Variants in WWP1 observed in about 807,000 individuals in gnomAD.
WWP1 encodes NEDD4-like E3 ubiquitin-protein ligase WWP1.
In WWP1, 49 loss-of-function variants were observed where a neutral mutation model predicts 130.6. The observed-to-expected ratio is 0.38, with a 90% CI of 0.30 to 0.48. WWP1 has a LOEUF of 0.48. Ranked by LOEUF, WWP1 falls within the 20% of genes least tolerant of loss-of-function variation. The probability of loss-of-function intolerance (pLI) is 0.99; values close to 1 mark genes in which losing one functional copy is unlikely to be tolerated. For missense variants in WWP1, 809 were observed against 1,100.6 expected, an observed-to-expected ratio of 0.74 and a Z score of 3.75; for synonymous variants, 332 against 367.8, an observed-to-expected ratio of 0.90 and a Z score of 1.11.
chr8:86,392,745 A>G (rs563706270), intron 5 of WWP1, among the ~76,000 whole-genome samples: 1 of 149,904 alleles, frequency 6.7e-6, no homozygotes, highest in East Asian at 2.0e-4. Context: ...ATTTTGTTTT[A>G]TAAATTCACT....
At chr8:86,445,731 C>T (rs1321976535) in intron 18 of WWP1, among the ~76,000 whole-genome samples, 3 of 152,098 alleles carry the variant, frequency 2.0e-5, no homozygotes, top group Admixed American at 6.5e-5. Flanking sequence ...GAGAAATTTC[C>T]AACCTGCTTT....
intron 3 of WWP1, among the ~76,000 whole-genome samples, chr8:86,378,284 A>G (rs1228508895): frequency 1.3e-5 from 2 of 152,156 alleles, no homozygotes; most frequent in Non-Finnish European, 2.9e-5. Context: ...GCTAATTGAA[A>G]TATTTCAATG....
intron 8 of WWP1, among the ~76,000 whole-genome samples, chr8:86,410,887 A>T (rs975325661): frequency 3.3e-5 from 5 of 151,932 alleles, no homozygotes; most frequent in African/African-American, 1.2e-4. Flanking sequence ...TAGAACTTTG[A>T]TATATGGTCT....
intron 18 of WWP1, among the ~76,000 whole-genome samples, chr8:86,445,337 C>T (rs1481685191): frequency 6.6e-6 from 1 of 152,080 alleles, no homozygotes; most frequent in Non-Finnish European, 1.5e-5. Flanking sequence ...CCCTTGCCTT[C>T]CTCCCTCTCT....
chr8:86,425,319 G>A lies in WWP1; in HGVS notation c.1157+1G>A. On this transcript the variant is annotated splice_donor_variant, in intron 10 of 24. Transcript: ENST00000517970. LOFTEE classifies it high-confidence loss of function. ...AGAGACCACAACCTTTACCTCCAGGGTAATATAGCACTCTTTATGCATTTG... is the reference window on the plus strand; with the variant it reads ...AGAGACCACAACCTTTACCTCCAGGATAATATAGCACTCTTTATGCATTTG... 1 of 1,606,606 alleles carries A rather than the reference G, an allele frequency of 6.2e-7. No homozygotes were observed. Among genetic ancestry groups the A allele is most frequent in the Non-Finnish European group, 8.5e-7 (1 of 1,175,566 alleles).
chr8:86,447,081 G>A (rs542276620), intron 18 of WWP1, among the ~76,000 whole-genome samples: 1 of 152,260 alleles, frequency 6.6e-6, no homozygotes, highest in Admixed American at 6.5e-5. Context: ...AGGGAAATGT[G>A]ATTACCAGGA....
intron 8 of WWP1, among the ~76,000 whole-genome samples, chr8:86,402,980 A>G (rs532464566): frequency 2.6e-5 from 4 of 152,358 alleles, no homozygotes; most frequent in South Asian, 2.1e-4. Context: ...AAAAGTAAGC[A>G]TTACTGTATT....
intron 24 of WWP1, 96 bp from the exon 25 acceptor site, chr8:86,466,698 A>C: frequency 1.3e-6 from 1 of 777,660 alleles, no homozygotes; most frequent in Non-Finnish European, 2.0e-6. Context: ...TAGTATACAT[A>C]TATCCATTCA....
chr8:86,356,205 C>G (rs913902722), intron 1 of WWP1, among the ~76,000 whole-genome samples: 16 of 152,120 alleles, frequency 1.1e-4, no homozygotes, highest in African/African-American at 3.9e-4. Flanking sequence ...CTCAGGTGCC[C>G]CACCTAAGTG....
chr8:86,406,281 T>C (rs1173057884), intron 8 of WWP1, among the ~76,000 whole-genome samples: 4 of 152,184 alleles, frequency 2.6e-5, no homozygotes, highest in African/African-American at 9.7e-5. Flanking sequence ...ACATTCATAA[T>C]AGTCCTTGGA....
At position 86,362,655 on chromosome 8, in the gene WWP1, A is replaced by G. The variant is rs568835388; in HGVS notation, c.-114-6284A>G. Among the ~76,000 whole-genome samples the G allele has an allele frequency of 5.9e-5, 9 of 152,250 alleles. No individual in the cohort carries two copies. In the South Asian group the frequency reaches 1.7e-3, roughly 28 times the overall value. On this transcript the variant is annotated intron_variant, in intron 1 of 24. Transcript: ENST00000517970. ...TGATGACCAAAAAAGGAGGGTTTAAATGAGGGAGGAGAAGGGAGGGAAGGC... is the reference window on the plus strand; with the variant it reads ...TGATGACCAAAAAAGGAGGGTTTAAGTGAGGGAGGAGAAGGGAGGGAAGGC...
At chr8:86,379,958 C>T (rs940330317) in intron 3 of WWP1, among the ~76,000 whole-genome samples, 1 of 152,072 alleles carries the variant, frequency 6.6e-6, no homozygotes, top group African/African-American at 2.4e-5. Context: ...AATAGCCTGG[C>T]AGTTACTCAA....
intron 23 of WWP1, 133 bp from the exon 24 acceptor site, chr8:86,461,641 A>AG (rs1811772187): frequency 1.4e-6 from 1 of 737,466 alleles, no homozygotes; most frequent in Non-Finnish European, 2.3e-6. Context: ...TTCAGGCAGA[A>AG]GCAGCTTACA....
intron 24 of WWP1, among the ~76,000 whole-genome samples, chr8:86,464,069 CAAAA>C (rs201662084): frequency 4.0e-5 from 6 of 151,178 alleles, no homozygotes; most frequent in Non-Finnish European, 5.9e-5. Context: ...TCAAAAAAAA[CAAAA>C]AAAAGATCAA....
In WWP1 at chr8:86,448,264, C is replaced by T. The variant is rs1288602191; in HGVS notation, c.2115C>T (p.Asn705=). The change falls in exon 19 of 25, where the codon AAC becomes AAT. Residue 705 remains asparagine, a synonymous_variant. Coordinates refer to ENST00000517970, the MANE Select transcript of WWP1 (RefSeq NM_007013.4). ...DLESIDTEFY[N]SLIWIRDNNI... is the part of the protein sequence containing the mutation. ...AATCTATTGATACTGAATTTTATAA[C>T]TCCCTTATCTGGATAAGGTTTGAAG... 3 of 1,580,396 alleles carry T rather than the reference C, an allele frequency of 1.9e-6. No homozygotes were observed. The highest frequency in any genetic ancestry group is 1.7e-6 in the Non-Finnish European group (2 of 1,171,078).
At chr8:86,463,826 C>T (rs543213721) in intron 24 of WWP1, among the ~76,000 whole-genome samples, 2 of 151,876 alleles carry the variant, frequency 1.3e-5, no homozygotes, top group South Asian at 2.1e-4. Flanking sequence ...TTTGGAAGGC[C>T]GAGGTGGGAG....
chr8:86,447,297 C>T (rs1467858423), intron 18 of WWP1, among the ~76,000 whole-genome samples: 2 of 152,102 alleles, frequency 1.3e-5, no homozygotes, highest in Admixed American at 1.3e-4. Context: ...GACAAAGTCT[C>T]GCTCTGTCAC....
chr8:86,450,818 A>G (rs1376579744), intron 20 of WWP1, among the ~76,000 whole-genome samples: 1 of 152,182 alleles, frequency 6.6e-6, no homozygotes, highest in Non-Finnish European at 1.5e-5. Flanking sequence ...GTGGAAATAT[A>G]TATGAAGTAC....
chr8:86,402,079 A>G lies in WWP1; in HGVS notation c.600A>G (p.Gln200=), dbSNP rs10106066. Reference sequence around the variant, plus strand: ...ATGTACCTACAAGCACTCTAGTCCAAAACTCATGCTGCTCGTATGTAGTTA... The same window carrying G: ...ATGTACCTACAAGCACTCTAGTCCAGAACTCATGCTGCTCGTATGTAGTTA... ...DNHVPTSTLV[Q]NSCCSYVVNG... The change falls in exon 8 of 25, where the codon CAA becomes CAG. Residue 200 remains glutamine (Q), a synonymous_variant. Transcript: ENST00000517970. The G allele has an allele frequency of 8.5e-3, 13,768 of 1,614,036 alleles. 985 individuals carry two copies. In the African/African-American group the frequency reaches 0.16, roughly 19 times the overall value.
Sources: gnomAD v4.1 joint callset for allele counts (sites outside exome capture counted in the v4.1 genomes callset) on GRCh38, gnomAD v4.1.1 for gene constraint, MANE v1.5 for transcripts, NCBI Gene and HGNC (gene_info 2026-07-23, HGNC 2026-07-21) for gene names.